Variants in ARHGAP18 observed in about 807,000 individuals in gnomAD.
The protein encoded by ARHGAP18 is Rho GTPase activating protein 18.
A neutral mutation model predicts 86.2 loss-of-function variants in ARHGAP18; 67 were observed. The ratio of observed to expected loss-of-function variants is 0.78; its 90% CI spans 0.64 to 0.95. The LOEUF is 0.95. Among genes scored for constraint, ARHGAP18 ranks in the 40% least tolerant of loss-of-function variants. The pLI, the probability that ARHGAP18 is intolerant of heterozygous loss-of-function variation, is 0.00. For missense variants in ARHGAP18, 691 were observed against 780.4 expected, an observed-to-expected ratio of 0.89 and a Z score of 1.37; for synonymous variants, 283 against 280.4, an observed-to-expected ratio of 1.01 and a Z score of -0.09.
intron 12 of ARHGAP18, among the ~76,000 whole-genome samples, chr6:129,595,196 C>T (rs1388829986): frequency 6.6e-6 from 1 of 152,134 alleles, no homozygotes; most frequent in Non-Finnish European, 1.5e-5. Flanking sequence ...GCATTAAAAT[C>T]ATAGCTATTA....
chr6:129,707,396 C>T (rs1364989705), intron 1 of ARHGAP18, among the ~76,000 whole-genome samples: 3 of 152,124 alleles, frequency 2.0e-5, no homozygotes, highest in Non-Finnish European at 4.4e-5. Context: ...AAAAGTTATA[C>T]TTCCGTGCTA....
chr6:129,617,375 G>A (rs979291627), intron 6 of ARHGAP18, among the ~76,000 whole-genome samples: 34 of 152,118 alleles, frequency 2.2e-4, no homozygotes, highest in Non-Finnish European at 1.5e-5. Flanking sequence ...GTGGTATGAG[G>A]ACAGACATTG....
intron 13 of ARHGAP18, among the ~76,000 whole-genome samples, chr6:129,583,297 C>T (rs1427528698): frequency 6.6e-6 from 1 of 152,138 alleles, no homozygotes; most frequent in Non-Finnish European, 1.5e-5. Flanking sequence ...AAGGGCAAAA[C>T]CTGAAAATAC....
At chr6:129,641,181 A>G (rs1377998485) in intron 2 of ARHGAP18, among the ~76,000 whole-genome samples, 2 of 152,238 alleles carry the variant, frequency 1.3e-5, no homozygotes, top group East Asian at 3.8e-4. Context: ...CAAAATAGCC[A>G]GGACCACAAC....
intron 1 of ARHGAP18, among the ~76,000 whole-genome samples, chr6:129,649,139 A>C (rs1306732303): frequency 7.2e-5 from 11 of 152,254 alleles, no homozygotes; most frequent in Non-Finnish European, 1.3e-4. Context: ...CAAATGCTAT[A>C]GTCTTAAGGA....
At chr6:129,657,810 A>C (rs1773870679) in intron 1 of ARHGAP18, among the ~76,000 whole-genome samples, 2 of 152,178 alleles carry the variant, frequency 1.3e-5, no homozygotes, top group Admixed American at 1.3e-4. Context: ...TTTAAACCCT[A>C]ATCAGTGAAT....
At chr6:129,650,836 G>A (rs1773696474) in intron 1 of ARHGAP18, among the ~76,000 whole-genome samples, 1 of 152,102 alleles carries the variant, frequency 6.6e-6, no homozygotes, top group Non-Finnish European at 1.5e-5. Flanking sequence ...AGGCTCTCCA[G>A]TTTGATCTGT....
intron 1 of ARHGAP18, among the ~76,000 whole-genome samples, chr6:129,708,958 G>A (rs561005558): frequency 3.9e-5 from 6 of 152,302 alleles, no homozygotes; most frequent in African/African-American, 1.4e-4. Context: ...TGCTATGTGA[G>A]AAACAGTTCC....
intron 1 of ARHGAP18, among the ~76,000 whole-genome samples, chr6:129,653,608 T>C (rs1402497821): frequency 1.3e-5 from 2 of 152,166 alleles, no homozygotes; most frequent in Non-Finnish European, 2.9e-5. Context: ...AGTAACAAAG[T>C]AGAATATGTG....
intron 5 of ARHGAP18, among the ~76,000 whole-genome samples, chr6:129,624,039 T>C (rs1789287735): frequency 6.6e-6 from 1 of 152,134 alleles, no homozygotes; most frequent in South Asian, 2.1e-4. Flanking sequence ...TAGGTGAAGG[T>C]AAATTAGTTA....
At chr6:129,690,637 T>G (rs1032607050) in intron 1 of ARHGAP18, among the ~76,000 whole-genome samples, 2 of 152,192 alleles carry the variant, frequency 1.3e-5, no homozygotes, top group Admixed American at 1.3e-4. Context: ...TTGAAGATAT[T>G]CAGGATTAGA....
chr6:129,659,084 CAATT>C (rs1376155745), intron 1 of ARHGAP18, among the ~76,000 whole-genome samples: 4 of 152,170 alleles, frequency 2.6e-5, no homozygotes, highest in African/African-American at 7.2e-5. Flanking sequence ...ATAAATATGG[CAATT>C]ATTAATGAAA....
chr6:129,654,898 C>T (rs993868191), intron 1 of ARHGAP18, among the ~76,000 whole-genome samples: 3 of 152,322 alleles, frequency 2.0e-5, no homozygotes, highest in East Asian at 1.9e-4. Context: ...CCCAGGACCT[C>T]GACTGAACCT....
chr6:129,646,078 A>G (rs72984799), intron 1 of ARHGAP18, among the ~76,000 whole-genome samples: 6,528 of 152,270 alleles, frequency 0.043, 200 homozygotes, highest in Admixed American at 0.076. Context: ...GGGGGTTGCC[A>G]TTGATTATAC....
At position 129,679,205 on chromosome 6, in the gene ARHGAP18, C is replaced by T. The variant is rs1182480391; in HGVS notation, c.113+30819G>A. ...CTGATTTGTCCTAATTTGCCACTTT[C>T]TCTTAAGAGATACAACAAAAATGTT... On this transcript the variant is annotated intron_variant, in intron 1 of 14. Coordinates refer to ENST00000368149, the MANE Select transcript of ARHGAP18 (RefSeq NM_033515.3). Among the ~76,000 whole-genome samples the T allele has an allele frequency of 2.0e-5, 3 of 152,286 alleles. No homozygotes were observed. The East Asian group carries it at 5.8e-4, about 29-fold the overall frequency.
intron 12 of ARHGAP18, among the ~76,000 whole-genome samples, chr6:129,595,579 C>T (rs1397530266): frequency 6.6e-6 from 1 of 152,170 alleles, no homozygotes; most frequent in Non-Finnish European, 1.5e-5. Context: ...CCTACCATCT[C>T]CTACCTACCC....
At chr6:129,579,480 AAG>A (rs1788243783) in intron 14 of ARHGAP18, among the ~76,000 whole-genome samples, 1 of 152,156 alleles carries the variant, frequency 6.6e-6, no homozygotes, top group Admixed American at 6.5e-5. Flanking sequence ...TACCATTTCC[AAG>A]AGTCAAAAAA....
chr6:129,662,346 T>A (rs951230547), intron 1 of ARHGAP18, among the ~76,000 whole-genome samples: 6 of 152,232 alleles, frequency 3.9e-5, no homozygotes, highest in African/African-American at 1.4e-4. Flanking sequence ...GCTTCTCAGC[T>A]CCTTGGAACA....
chr6:129,679,176 T>C (rs1774282996), intron 1 of ARHGAP18, among the ~76,000 whole-genome samples: 1 of 152,094 alleles, frequency 6.6e-6, no homozygotes, highest in Admixed American at 6.5e-5. Context: ...TCCTTACTAT[T>C]CATCTGATTT....
Sources: allele counts gnomAD v4.1 joint callset (sites outside exome capture counted in the v4.1 genomes callset), GRCh38; gene constraint gnomAD v4.1.1; transcripts MANE v1.5; gene names NCBI Gene and HGNC (gene_info 2026-07-23, HGNC 2026-07-21).